RBM19: variants seen among roughly 807,000 people sequenced by gnomAD.
RBM19 encodes the protein probable RNA-binding protein 19.
RBM19 carries 94 observed loss-of-function variants against 116.8 expected under a neutral mutation model. That is an observed-to-expected ratio of 0.80 (90% confidence interval 0.68 to 0.95). The LOEUF is 0.95. RBM19 is among the 40% of genes least tolerant of loss of function. RBM19 has a pLI of 0.00. For missense variants in RBM19, 1,161 were observed against 1,220.7 expected, an observed-to-expected ratio of 0.95 and a Z score of 0.73; for synonymous variants, 475 against 494.1, an observed-to-expected ratio of 0.96 and a Z score of 0.51.
At chr12:113,911,322 C>T (rs966099898) in intron 21 of RBM19, among the ~76,000 whole-genome samples, 4 of 152,182 alleles carry the variant, frequency 2.6e-5, no homozygotes, top group African/African-American at 9.7e-5. Flanking sequence ...TACCCCAGAA[C>T]ACAGACGAAT....
intron 21 of RBM19, among the ~76,000 whole-genome samples, chr12:113,880,034 T>C (rs1240703221): frequency 3.3e-5 from 5 of 151,398 alleles, no homozygotes; most frequent in South Asian, 2.1e-4. Flanking sequence ...GTTCTGACTG[T>C]CTCCCCAAAG....
At chr12:113,867,261 A>G (rs1878886736) in intron 21 of RBM19, among the ~76,000 whole-genome samples, 1 of 152,240 alleles carries the variant, frequency 6.6e-6, no homozygotes, top group Non-Finnish European at 1.5e-5. Context: ...GAATGAATTG[A>G]ATCATCCCTC....
chr12:113,939,503 A>T (rs1870355114), intron 15 of RBM19, among the ~76,000 whole-genome samples: 1 of 133,698 alleles, frequency 7.5e-6, no homozygotes, highest in Non-Finnish European at 1.6e-5. Flanking sequence ...TAATCCCAGC[A>T]CTTTGGGAGG....
At chr12:113,928,589 AG>A (rs1238230900) in intron 16 of RBM19, among the ~76,000 whole-genome samples, 2 of 146,210 alleles carry the variant, frequency 1.4e-5, no homozygotes, top group Admixed American at 6.9e-5. Context: ...TTTTAGGGAG[AG>A]GAAGAGCAGA....
At chr12:113,943,494 AT>A (rs11422548) in intron 13 of RBM19, among the ~76,000 whole-genome samples, 28,748 of 150,436 alleles carry the variant, frequency 0.19, 3,328 homozygotes, top group Middle Eastern at 0.32. Context: ...ATAGCTTGCA[AT>A]TTTTTTTTTT....
At chr12:113,950,043 G>T in intron 9 of RBM19, 40 bp downstream of exon 9, 2 of 1,505,688 alleles carry the variant, frequency 1.3e-6, no homozygotes, top group Non-Finnish European at 1.8e-6. Flanking sequence ...ACGAAGGAAC[G>T]CTGTAACACA....
intron 21 of RBM19, among the ~76,000 whole-genome samples, chr12:113,886,972 G>C (rs760129164): frequency 9.2e-5 from 14 of 152,140 alleles, no homozygotes; most frequent in Non-Finnish European, 1.9e-4. Context: ...TCTACACCAG[G>C]GTTTGGCAAA....
Position 113,822,744 on chromosome 12 carries a change from G to C in RBM19, c.*480C>G, listed in dbSNP as rs1874514476. 1 of 159,870 alleles carries C rather than the reference G, an allele frequency of 6.3e-6. No homozygotes were observed. The highest frequency in any genetic ancestry group is 1.4e-5 in the Non-Finnish European group (1 of 73,344). 9.9% of individuals were successfully genotyped at this position (159,870 alleles called of 1,614,324 possible). A position where few individuals can be genotyped will look rare whatever the true frequency, so the allele number is the denominator to read the frequency against. The stretch of plus-strand genomic sequence containing the variant: ...CTAAAACCTTATGAAGTAAGAACTA[G>C]CTAGCAAGGGGAAGGCTGGGCCCAA... On this transcript the variant is annotated 3_prime_UTR_variant, in exon 24 of 24. Transcript: ENST00000261741.
intron 16 of RBM19, chr12:113,927,518 T>C: frequency 3.0e-6 from 1 of 331,034 alleles, no homozygotes; most frequent in East Asian, 4.7e-5. Context: ...AATTTGAACT[T>C]GGAAATAAAT....
chr12:113,912,026 G>A (rs981289256), intron 21 of RBM19, among the ~76,000 whole-genome samples: 2 of 152,188 alleles, frequency 1.3e-5, no homozygotes, highest in African/African-American at 4.8e-5. Flanking sequence ...TGATCCCACA[G>A]AAACATGGAA....
rs1218254287 is a variant in RBM19 at position 113,920,653 on chromosome 12, G to A, written c.2343C>T (p.Tyr781=). ...LLSMGFGFVE[Y]RKPEQAQKAL... Reference sequence around the variant, plus strand: ...CTTTCTGGGCTTGCTCCGGCTTCCTGTATTCCACAAATCCAAACCCCATGG... The same window carrying A: ...CTTTCTGGGCTTGCTCCGGCTTCCTATATTCCACAAATCCAAACCCCATGG... The change falls in exon 19 of 24, where the codon TAC becomes TAT. Residue 781 remains tyrosine (Y), a synonymous_variant. Transcript: ENST00000261741. 1.2e-6 allele frequency: 2 copies of A among 1,613,976 alleles called. No individual in the cohort carries two copies. Among genetic ancestry groups the A allele is most frequent in the Non-Finnish European group, 8.5e-7 (1 of 1,180,004 alleles).
intron 1 of RBM19, among the ~76,000 whole-genome samples, chr12:113,963,189 T>G (rs2135947467): frequency 6.6e-6 from 1 of 152,324 alleles, no homozygotes; most frequent in South Asian, 2.1e-4. Flanking sequence ...AGATAAGGAT[T>G]GTCTGGATTG....
At chr12:113,868,761 G>A (rs1208588570) in intron 21 of RBM19, among the ~76,000 whole-genome samples, 1 of 152,222 alleles carries the variant, frequency 6.6e-6, no homozygotes, top group Non-Finnish European at 1.5e-5. Flanking sequence ...CAAGGCCTTG[G>A]TCTTTAACTA....
intron 16 of RBM19, 119 bp from the exon 17 acceptor site, chr12:113,927,348 C>G: frequency 7.8e-7 from 1 of 1,283,002 alleles, no homozygotes; most frequent in Non-Finnish European, 1.0e-6. Context: ...GGTTCTGCCT[C>G]TGCGGGCAGT....
intron 22 of RBM19, among the ~76,000 whole-genome samples, chr12:113,845,619 C>T (rs759717607): frequency 6.6e-6 from 1 of 152,030 alleles, no homozygotes; most frequent in African/African-American, 2.4e-5. Context: ...TCCCCCAGCC[C>T]CTGGCAACCA....
chr12:113,840,203 T>C (rs1044654211), intron 23 of RBM19, among the ~76,000 whole-genome samples: 3 of 152,248 alleles, frequency 2.0e-5, no homozygotes, highest in Non-Finnish European at 2.9e-5. Flanking sequence ...GGGATTATCA[T>C]GTTTCTTTGG....
chr12:113,840,755 T>A (rs1381673263), intron 23 of RBM19, among the ~76,000 whole-genome samples: 1 of 152,176 alleles, frequency 6.6e-6, no homozygotes, highest in African/African-American at 2.4e-5. Flanking sequence ...TGCCCACTGG[T>A]AGCTGCTCCT....
At chr12:113,921,987 G>C (rs559394693) in intron 18 of RBM19, among the ~76,000 whole-genome samples, 2 of 152,162 alleles carry the variant, frequency 1.3e-5, no homozygotes, top group Non-Finnish European at 2.9e-5. Context: ...ATTGCGGGGT[G>C]GGGGGATGGA....
At chr12:113,924,371 G>C (rs866329866) in intron 18 of RBM19, among the ~76,000 whole-genome samples, 3 of 152,210 alleles carry the variant, frequency 2.0e-5, no homozygotes, top group South Asian at 2.1e-4. Flanking sequence ...GGAGGAGGCA[G>C]AGGTTCCTGA....
Sources: gnomAD v4.1 joint callset for allele counts (sites outside exome capture counted in the v4.1 genomes callset) on GRCh38, gnomAD v4.1.1 for gene constraint, MANE v1.5 for transcripts, NCBI Gene and HGNC (gene_info 2026-07-23, HGNC 2026-07-21) for gene names.